JAKMIP1: variants seen among roughly 807,000 people sequenced by gnomAD.
JAKMIP1 encodes the protein janus kinase and microtubule interacting protein 1.
JAKMIP1 carries 33 observed loss-of-function variants against 113.0 expected under a neutral mutation model. The ratio of observed to expected loss-of-function variants is 0.29; its 90% CI spans 0.22 to 0.39. The LOEUF (loss-of-function observed/expected upper bound fraction) is 0.39, where lower values mean the gene tolerates loss of function less well. JAKMIP1 is among the 10% of genes least tolerant of loss of function. The pLI is 1.00. For missense variants in JAKMIP1, 813 were observed against 1,080.5 expected, an observed-to-expected ratio of 0.75 and a Z score of 3.47; for synonymous variants, 480 against 459.9, an observed-to-expected ratio of 1.04 and a Z score of -0.56.
chr4:6,152,484 G>A (rs529561376), intron 1 of JAKMIP1, among the ~76,000 whole-genome samples: 11 of 152,246 alleles, frequency 7.2e-5, no homozygotes, highest in South Asian at 2.1e-4. Context: ...GTTTGTGTCC[G>A]CACGAATAAA....
rs186592788 is a variant in JAKMIP1, at chr4:6,081,189, G to T, written c.1101+420C>A. Among the ~76,000 whole-genome samples, 3 of 152,338 alleles carry T rather than the reference G, an allele frequency of 2.0e-5. No homozygotes were observed. The East Asian group carries it at 5.8e-4, about 29-fold the overall frequency. On this transcript the variant is annotated intron_variant, in intron 6 of 20. Transcript: ENST00000409021. This position sits in a 1 kb window ranked among gnomAD's most constrained non-coding sequence, Gnocchi z 4.6. ...AACACCAGGCATCCTAGCTGGAGGA[G>T]AAACCCCTCTGCAGAGCATCGCCAG...
chr4:6,106,105 C>A lies in JAKMIP1; in HGVS notation c.130-138G>T. The A allele has an allele frequency of 1.6e-6, 1 of 622,950 alleles. No individual in the cohort carries two copies. The highest frequency in any genetic ancestry group is 2.0e-5 in the South Asian group (1 of 50,280). The allele number at this position is 622,950 out of a possible 1,614,324, so 38.6% of individuals were successfully genotyped here. A position where few individuals can be genotyped will look rare whatever the true frequency, so the allele number is the denominator to read the frequency against. On this transcript the variant is annotated intron_variant, in intron 2 of 20. Transcript: ENST00000409021. This position sits in a 1 kb window ranked among gnomAD's most constrained non-coding sequence, Gnocchi z 5.9. Reference sequence around the variant, plus strand: ...CTGGGCCCACGTTCCCATGGATTCCCCCTTCGGCAGTGCCCTGCAGGCCTG... The same window carrying A: ...CTGGGCCCACGTTCCCATGGATTCCACCTTCGGCAGTGCCCTGCAGGCCTG...
chr4:6,118,561 C>T (rs1716189583), intron 1 of JAKMIP1, among the ~76,000 whole-genome samples: 1 of 152,164 alleles, frequency 6.6e-6, no homozygotes, highest in Non-Finnish European at 1.5e-5. Context: ...GGCCTGACCC[C>T]ACAGCCTTCC....
In JAKMIP1 at chr4:6,051,382, C is replaced by T. The variant is rs565111510; in HGVS notation, c.1807-703G>A. ...GGATTACAGGCACGCGCCACCACAC[C>T]GGGCTAATTTTGTATTTAGATTTTG... On this transcript the variant is annotated intron_variant, in intron 13 of 20. Coordinates refer to ENST00000409021, the MANE Select transcript of JAKMIP1 (RefSeq NM_001099433.2). This position sits in a 1 kb window ranked among gnomAD's most constrained non-coding sequence, Gnocchi z 5.0. 1.4e-4 allele frequency among the ~76,000 whole-genome samples: 21 copies of T among 152,290 alleles called. No homozygotes were observed. The highest frequency in any genetic ancestry group is 1.7e-4 in the African/African-American group (7 of 41,568).
rs1300912081 is a variant in JAKMIP1, at chr4:6,158,963, C to T, written c.-148+41290G>A. ...AATTAGCGGGGCATAGTGGCATGCACCTATAGTCCCAGCTATTCAAGAGGC... is the reference window on the plus strand; with the variant it reads ...AATTAGCGGGGCATAGTGGCATGCATCTATAGTCCCAGCTATTCAAGAGGC... On this transcript the variant is annotated intron_variant, in intron 1 of 20. Transcript: ENST00000409021. The surrounding 1 kb of genome is among the most constrained non-coding windows in gnomAD (Gnocchi z 5.3). 1.3e-5 allele frequency among the ~76,000 whole-genome samples: 2 copies of T among 152,016 alleles called. No homozygotes were observed. Among genetic ancestry groups the T allele is most frequent in the African/African-American group, 2.4e-5 (1 of 41,372 alleles).
chr4:6,084,967 T>TAAAAAAAAAAA lies in JAKMIP1; in HGVS notation c.835-13_835-3dup, dbSNP rs56874913. On this transcript the variant is annotated splice_region_variant and splice_polypyrimidine_tract_variant and intron_variant, in intron 4 of 20. Transcript: ENST00000409021. ...ATCTCGCTCGTCCATATGTTGATCCTAAAAAAAAAAAAAAAAAAAAAAAAA... is the reference window on the plus strand; with the variant it reads ...ATCTCGCTCGTCCATATGTTGATCCTAAAAAAAAAAAAAAAAAAAAAAAAAAAAAAAAAAAA... 26 of 377,966 alleles carry TAAAAAAAAAAA rather than the reference T, an allele frequency of 6.9e-5. 2 individuals carry two copies. Among genetic ancestry groups the TAAAAAAAAAAA allele is most frequent in the African/African-American group, 1.1e-4 (2 of 17,898 alleles). 23.4% of individuals were successfully genotyped at this position (377,966 alleles called of 1,614,324 possible). A position where few individuals can be genotyped will look rare whatever the true frequency, so the allele number is the denominator to read the frequency against.
chr4:6,121,536 A>G, intron 1 of JAKMIP1, among the ~76,000 whole-genome samples: 1 of 152,208 alleles, frequency 6.6e-6, no homozygotes, highest in African/African-American at 2.4e-5. Flanking sequence ...GCACGACTAA[A>G]TCCCGTGATG....
At chr4:6,034,403 A>G (rs1176151845) in intron 19 of JAKMIP1, among the ~76,000 whole-genome samples, 1 of 152,122 alleles carries the variant, frequency 6.6e-6, no homozygotes, top group African/African-American at 2.4e-5. Flanking sequence ...AAGCTGAACC[A>G]CACCATGCTG....
intron 1 of JAKMIP1, among the ~76,000 whole-genome samples, chr4:6,189,119 A>G (rs1450689298): frequency 6.6e-6 from 1 of 152,226 alleles, no homozygotes; most frequent in African/African-American, 2.4e-5. Context: ...TTCGGAGGGT[A>G]TGGCTTGGGA....
chr4:6,115,876 G>A (rs1715685484), intron 1 of JAKMIP1, among the ~76,000 whole-genome samples: 2 of 152,208 alleles, frequency 1.3e-5, no homozygotes, highest in Admixed American at 1.3e-4. Flanking sequence ...TGGGCTGCCG[G>A]TGGGGGAAAG....
At chr4:6,062,232 G>A (rs1717388853) in intron 10 of JAKMIP1, 80 bp downstream of exon 10, 1 of 1,480,944 alleles carries the variant, frequency 6.8e-7, no homozygotes, top group Admixed American at 1.7e-5. Context: ...TCCAAGCCAG[G>A]GTATGTCACA....
In JAKMIP1 at chr4:6,078,925, C is replaced by A; in HGVS notation, c.1302+14G>T. On this transcript the variant is annotated intron_variant, in intron 8 of 20. Coordinates refer to ENST00000409021, the MANE Select transcript of JAKMIP1 (RefSeq NM_001099433.2). ...CAGCGGCAAGGTAGGGCAGGTGCAC[C>A]ATCGCAGGCTCACCTTGGGCGGTTT... The A allele has an allele frequency of 6.2e-7, 1 of 1,614,102 alleles. No homozygotes were observed.
intron 1 of JAKMIP1, among the ~76,000 whole-genome samples, chr4:6,182,410 G>GAAAAAAAA (rs56678982): frequency 8.3e-6 from 1 of 120,322 alleles, no homozygotes; most frequent in African/African-American, 3.1e-5. Context: ...CCCTGTCTCA[G>GAAAAAAAA]AAAAAAAAAA....
At chr4:6,102,118 T>G (rs1392375377) in intron 3 of JAKMIP1, among the ~76,000 whole-genome samples, 3 of 152,234 alleles carry the variant, frequency 2.0e-5, no homozygotes, top group African/African-American at 7.2e-5. Flanking sequence ...GATTTATTCC[T>G]AGGTATTTGA....
Position 6,051,709 on chromosome 4 carries a change from G to A in JAKMIP1, c.1807-1030C>T, listed in dbSNP as rs999224504. On this transcript the variant is annotated intron_variant, in intron 13 of 20. Coordinates refer to ENST00000409021, the MANE Select transcript of JAKMIP1 (RefSeq NM_001099433.2). The surrounding 1 kb of genome is among the most constrained non-coding windows in gnomAD (Gnocchi z 5.0). ...AAGAGCAAGCCTTTTCCCAGAAGAGGTATTTATTAATCATACATAAATGAC... is the reference window on the plus strand; with the variant it reads ...AAGAGCAAGCCTTTTCCCAGAAGAGATATTTATTAATCATACATAAATGAC... 6.6e-6 allele frequency among the ~76,000 whole-genome samples: 1 copy of A among 152,192 alleles called. No homozygotes were observed. The highest frequency in any genetic ancestry group is 1.9e-4 in the East Asian group (1 of 5,192).
At chr4:6,082,044 T>G (rs1368846072) in intron 5 of JAKMIP1, among the ~76,000 whole-genome samples, 1 of 152,074 alleles carries the variant, frequency 6.6e-6, no homozygotes, top group Non-Finnish European at 1.5e-5. Flanking sequence ...TAGAAACAAC[T>G]TAAATATCTA....
rs1208028091 is a variant in JAKMIP1 at position 6,040,626 on chromosome 4, C to T, written c.2175+13G>A. On this transcript the variant is annotated intron_variant, in intron 18 of 20. Coordinates refer to ENST00000409021, the MANE Select transcript of JAKMIP1 (RefSeq NM_001099433.2). The surrounding 1 kb of genome is among the most constrained non-coding windows in gnomAD (Gnocchi z 5.8). ...CTAAGAAGCCAAAGTGTCAAACCCA[C>T]TTCTGGTCCTACCAGGTAAGCCTGG... is the stretch of plus-strand genomic sequence containing the variant. The T allele has an allele frequency of 6.2e-7, 1 of 1,606,756 alleles. No individual in the cohort carries two copies. The highest frequency in any genetic ancestry group is 1.3e-5 in the African/African-American group (1 of 74,924).
chr4:6,200,029 G>C lies in JAKMIP1; in HGVS notation c.-148+224C>G, dbSNP rs1449686523. 6.7e-6 allele frequency among the ~76,000 whole-genome samples: 1 copy of C among 149,628 alleles called. No homozygotes were observed. Among genetic ancestry groups the C allele is most frequent in the Non-Finnish European group, 1.5e-5 (1 of 67,074 alleles). On this transcript the variant is annotated intron_variant, in intron 1 of 20. Coordinates refer to ENST00000409021, the MANE Select transcript of JAKMIP1 (RefSeq NM_001099433.2). This position sits in a 1 kb window ranked among gnomAD's most constrained non-coding sequence, Gnocchi z 7.0. ...ATTTTGCAAGGGGGTCTGAAGAGGA[G>C]TGGGGGATGGGTATGGAAGGGTGGG...
intron 1 of JAKMIP1, among the ~76,000 whole-genome samples, chr4:6,118,809 G>GC (rs200089118): frequency 1.3e-5 from 2 of 152,096 alleles, no homozygotes; most frequent in Non-Finnish European, 2.9e-5. Context: ...CTGAATCGTG[G>GC]CCCCCAAAGA....
Sources: gnomAD v4.1 joint callset for allele counts (sites outside exome capture counted in the v4.1 genomes callset) on GRCh38, gnomAD v4.1.1 for gene constraint, Gnocchi (gnomAD v3.1) non-coding constraint, MANE v1.5 for transcripts, NCBI Gene and HGNC (gene_info 2026-07-23, HGNC 2026-07-21) for gene names.